Variants in COL5A3 observed in about 807,000 individuals in gnomAD.
COL5A3 encodes collagen alpha-3(V) chain.
A neutral mutation model predicts 250.0 loss-of-function variants in COL5A3; 172 were observed. That is an observed-to-expected ratio of 0.69 (90% CI 0.61 to 0.78). The LOEUF is 0.78. Ranked by LOEUF, COL5A3 falls within the 30% of genes least tolerant of loss-of-function variation. The probability of loss-of-function intolerance (pLI) is 0.00; values close to 1 mark genes in which losing one functional copy is unlikely to be tolerated. For synonymous variants in COL5A3, 937 were observed against 900.4 expected (o/e 1.04, Z -0.73); for missense variants, 2,340 against 2,334.4 (o/e 1.00, Z -0.05).
At chr19:9,998,298 A>C in intron 8 of COL5A3, 149 bp from the exon 9 acceptor site, 1 of 774,810 alleles carries the variant, frequency 1.3e-6, no homozygotes, top group Non-Finnish European at 2.0e-6. Context: ...ACTGTAACCA[A>C]TATGCACTGA....
At position 10,003,610 on chromosome 19, in the gene COL5A3, C is replaced by G; in HGVS notation, c.804G>C (p.Lys268Asn). 1 of 1,614,152 alleles carries G rather than the reference C, an allele frequency of 6.2e-7. No individual in the cohort carries two copies. The highest frequency in any genetic ancestry group is 8.5e-7 in the Non-Finnish European group (1 of 1,180,032). ...GAGGTGGACTTGAGGTCCAAATTTC[C>G]TTGTTCTTTTTCCTGCCCTTCCCCT... ...GRKGKGRKKN[K>N]EIWTSSPPPD... is the part of the protein sequence containing the mutation. The change falls in exon 6 of 67, where the codon AAG (lysine) becomes AAC (asparagine). Residue 268 changes from lysine to asparagine, a missense_variant. By Grantham distance (94) the Lys-to-Asn change is moderately conservative. Transcript: ENST00000264828.
chr19:9,993,332 T>G (rs770947729), intron 19 of COL5A3, 48 bp downstream of exon 19: 1 of 1,596,344 alleles, frequency 6.3e-7, no homozygotes, highest in East Asian at 2.2e-5. Context: ...TCACTCAGGC[T>G]TCCAAACTTA....
chr19:9,973,533 G>C, intron 50 of COL5A3, 37 bp downstream of exon 50: 1 of 1,595,806 alleles, frequency 6.3e-7, no homozygotes, highest in Non-Finnish European at 8.5e-7. Flanking sequence ...GGGGTTCCCT[G>C]AGTTGGGTGC....
Position 9,968,517 on chromosome 19 carries a change from A to T in COL5A3, c.4207-25T>A. ...CCTGAAGGACAAAAGAGGCACAGAC[A>T]GGGGAGGACGTGGGAGGATTCAGGG... On this transcript the variant is annotated intron_variant, in intron 58 of 66. Transcript: ENST00000264828. The surrounding 1 kb of genome is among the most constrained non-coding windows in gnomAD (Gnocchi z 4.1). The T allele has an allele frequency of 6.3e-7, 1 of 1,581,048 alleles. No homozygotes were observed. Among genetic ancestry groups the T allele is most frequent in the Non-Finnish European group, 8.6e-7 (1 of 1,167,130 alleles).
chr19:9,996,213 C>T lies in COL5A3; in HGVS notation c.1472G>A (p.Gly491Asp). ...CGCAGTCGCCTTACTCACCACAGGGCCTGGGCGCCCAGTGAGCCCCACTGG... is the reference window on the plus strand; with the variant it reads ...CGCAGTCGCCTTACTCACCACAGGGTCTGGGCGCCCAGTGAGCCCCACTGG... Reference protein sequence around the residue: ...PGPVGLTGRPGPVGLPGHPGL... With the variant: ...PGPVGLTGRPDPVGLPGHPGL... The change falls in exon 14 of 67, where the codon GGC (glycine) becomes GAC (aspartate). Residue 491 changes from glycine (G) to aspartate (D), a missense_variant. This residue lies in a region of COL5A3 where 1,152 missense variants were observed against 1,146.3 expected (regional missense o/e 1.00). Coordinates refer to ENST00000264828, the MANE Select transcript of COL5A3 (RefSeq NM_015719.4). The T allele has an allele frequency of 6.4e-7, 1 of 1,574,628 alleles. No homozygotes were observed. The highest frequency in any genetic ancestry group is 8.6e-7 in the Non-Finnish European group (1 of 1,162,664).
chr19:9,992,826 C>T lies in COL5A3; in HGVS notation c.1848+1G>A, dbSNP rs149888433. On this transcript the variant is annotated splice_donor_variant, in intron 21 of 66. Transcript: ENST00000264828. LOFTEE classifies it high-confidence loss of function. The stretch of plus-strand genomic sequence containing the variant: ...GGATGCAGAGAGCCAGTGACACTCA[C>T]CGGGCGACCCGTGGGGCCAGGAGAG... 2 of 1,613,772 alleles carry T rather than the reference C, an allele frequency of 1.2e-6. No homozygotes were observed. The highest frequency in any genetic ancestry group is 1.7e-6 in the Non-Finnish European group (2 of 1,179,874).
At chr19:10,001,917 T>C in intron 6 of COL5A3, 36 bp from the exon 7 acceptor site, 2 of 1,496,338 alleles carry the variant, frequency 1.3e-6, no homozygotes, top group Non-Finnish European at 1.9e-6. Flanking sequence ...GGGTCTCGGG[T>C]GAGGGCAATC....
Position 9,977,592 on chromosome 19 carries a change from AC to A in COL5A3, c.3126+1del. ...TAGGAATGGGATGGGCAAGTCACTTACCCGGGACCCCTTCTTGCCTGCAGGG... is the reference window on the plus strand; with the variant it reads ...TAGGAATGGGATGGGCAAGTCACTTACCGGGACCCCTTCTTGCCTGCAGGG... On this transcript the variant is annotated splice_donor_variant, in intron 42 of 66. Coordinates refer to ENST00000264828, the MANE Select transcript of COL5A3 (RefSeq NM_015719.4). LOFTEE classifies it high-confidence loss of function. 1 of 1,576,276 alleles carries A rather than the reference AC, an allele frequency of 6.3e-7. No individual in the cohort carries two copies. Among genetic ancestry groups the A allele is most frequent in the South Asian group, 1.2e-5 (1 of 84,960 alleles).
chr19:9,990,632 G>A (rs1450775936), intron 24 of COL5A3, among the ~76,000 whole-genome samples: 2 of 151,298 alleles, frequency 1.3e-5, no homozygotes, highest in Non-Finnish European at 2.9e-5. Context: ...GCAAGATCTC[G>A]GCTCACTGCA....
intron 8 of COL5A3, among the ~76,000 whole-genome samples, chr19:9,999,249 G>C (rs2087319441): frequency 6.7e-6 from 1 of 149,200 alleles, no homozygotes; most frequent in Admixed American, 6.7e-5. Flanking sequence ...AGAATGCAGG[G>C]GTACAATCAT....
Position 9,972,950 on chromosome 19 carries a change from G to T in COL5A3, c.3743C>A (p.Pro1248His), listed in dbSNP as rs1319053963. Residue 1248 changes from proline (P) to histidine (H), a missense_variant, in exon 51 of 67, where the codon CCC (proline) becomes CAC (histidine). Coordinates refer to ENST00000264828, the MANE Select transcript of COL5A3 (RefSeq NM_015719.4). ...CCCTTTGGCTCCATCCTCTCCAGGGGGACCTTTCTTGCCTGGGGGTCCAGC... is the reference window on the plus strand; with the variant it reads ...CCCTTTGGCTCCATCCTCTCCAGGGTGACCTTTCTTGCCTGGGGGTCCAGC... ...GAAGPPGKKG[P>H]PGEDGAKGSV... is the part of the protein sequence containing the mutation. The T allele has an allele frequency of 6.2e-7, 1 of 1,611,256 alleles. No homozygotes were observed. The highest frequency in any genetic ancestry group is 8.5e-7 in the Non-Finnish European group (1 of 1,178,998).
rs758750440 is a variant in COL5A3 at position 9,980,789 on chromosome 19, G to C, written c.2559+17C>G. 3 of 1,613,080 alleles carry C rather than the reference G, an allele frequency of 1.9e-6. No homozygotes were observed. In the South Asian group the frequency reaches 3.3e-5, roughly 18 times the overall value. On this transcript the variant is annotated intron_variant, in intron 34 of 66. Transcript: ENST00000264828. ...GCCTGGGGCATGGGGGGCCTTGATT[G>C]CCCACCCATCCCATACCTTGGGGCC...
chr19:9,998,700 T>A (rs575880860), intron 8 of COL5A3, among the ~76,000 whole-genome samples: 2 of 152,106 alleles, frequency 1.3e-5, no homozygotes, highest in African/African-American at 4.8e-5. Context: ...CTTTTTTTTT[T>A]TTTAAATGGA....
In COL5A3 at chr19:10,001,507, G is replaced by A. The variant is rs1363202298; in HGVS notation, c.1110+17C>T. 6 of 1,612,318 alleles carry A rather than the reference G, an allele frequency of 3.7e-6. No homozygotes were observed. The African/African-American group carries it at 8.0e-5, about 22-fold the overall frequency. ...TCCCACTCTCTTGCACCTAACCCCA[G>A]CCACCTAGAAACTCACAGGAAAGAT... On this transcript the variant is annotated intron_variant, in intron 8 of 66. Transcript: ENST00000264828.
rs534254703 is a variant in COL5A3, at chr19:10,006,105, G to C, written c.215C>G (p.Thr72Arg). 2 of 1,614,050 alleles carry C rather than the reference G, an allele frequency of 1.2e-6. No homozygotes were observed. The highest frequency in any genetic ancestry group is 1.1e-5 in the South Asian group (1 of 91,068). The change falls in exon 2 of 67, where the codon ACG becomes AGG. Residue 72 changes from threonine (T) to arginine (R), a missense_variant. Coordinates refer to ENST00000264828, the MANE Select transcript of COL5A3 (RefSeq NM_015719.4). The part of the protein sequence containing the change: ...DRAFRIGQAS[T>R]LGIPTWELFP... ...GAGTTCCCACGTGGGGATGCCGAGC[G>C]TGCTGGCCTGGCCAATTCTGAATGC...
Position 9,971,021 on chromosome 19 carries a change from T to C in COL5A3, c.3836A>G (p.Asp1279Gly), listed in dbSNP as rs1164523180. 3 of 1,538,776 alleles carry C rather than the reference T, an allele frequency of 1.9e-6. No homozygotes were observed. Among genetic ancestry groups the C allele is most frequent in the Non-Finnish European group, 8.7e-7 (1 of 1,149,128 alleles). The change falls in exon 53 of 67, where the codon GAT becomes GGT. Residue 1279 changes from aspartate to glycine, a missense_variant. Physicochemically the swap from Asp to Gly is moderately conservative, Grantham distance 94. This residue lies in a region of COL5A3 where 1,179 missense variants were observed against 1,162.6 expected (regional missense o/e 1.01). Coordinates refer to ENST00000264828, the MANE Select transcript of COL5A3 (RefSeq NM_015719.4). Reference sequence around the variant, plus strand: ...GTCTCCCTTCTCCCCTGGGGAACCATCTATGCCCTGCATGGGGGGAAGACA... The same window carrying C: ...GTCTCCCTTCTCCCCTGGGGAACCACCTATGCCCTGCATGGGGGGAAGACA... ...PPGDPGVSGI[D>G]GSPGEKGDPG...
In COL5A3 at chr19:9,968,045, G is replaced by A; in HGVS notation, c.4349C>T (p.Pro1450Leu). ...ACTCACCGCCACACCTGGGGGCCCA[G>A]GGTGGCCCAGAGAGCCAATGGGACC... ...PPGPIGSLGH[P>L]GPPGVAGPLG... Residue 1450 changes from proline to leucine, a missense_variant, in exon 60 of 67, where the codon CCT becomes CTT. By Grantham distance (98) the Pro-to-Leu change is moderately conservative. Coordinates refer to ENST00000264828, the MANE Select transcript of COL5A3 (RefSeq NM_015719.4). This position sits in a 1 kb window ranked among gnomAD's most constrained non-coding sequence, Gnocchi z 4.1. 2 of 1,590,682 alleles carry A rather than the reference G, an allele frequency of 1.3e-6. No homozygotes were observed. The highest frequency in any genetic ancestry group is 1.7e-6 in the Non-Finnish European group (2 of 1,173,788).
Position 9,989,503 on chromosome 19 carries a change from C to T in COL5A3, c.2012G>A (p.Gly671Glu). 1.9e-6 allele frequency: 3 copies of T among 1,612,884 alleles called. No individual in the cohort carries two copies. Among genetic ancestry groups the T allele is most frequent in the South Asian group, 1.1e-5 (1 of 90,890 alleles). Reference sequence around the variant, plus strand: ...ATCGGATCCTGGGAGGCCTGGAATTCCTGGGTTTCCAGGGGGACCCTGAAA... The same window carrying T: ...ATCGGATCCTGGGAGGCCTGGAATTTCTGGGTTTCCAGGGGGACCCTGAAA... ...PGEKGPPGNP[G>E]IPGLPGSDGP... is the part of the protein sequence containing the mutation. Residue 671 changes from glycine (G) to glutamate (E), a missense_variant, in exon 25 of 67, where the codon GGA (glycine) becomes GAA (glutamate). Physicochemically the swap from Gly to Glu is moderately conservative, Grantham distance 98. Around this residue, in one of 3 missense-constraint regions of COL5A3, gnomAD observed 1,152 missense variants for 1,146.3 expected, o/e 1.00. Coordinates refer to ENST00000264828, the MANE Select transcript of COL5A3 (RefSeq NM_015719.4).
chr19:9,975,311 C>T (rs1309103312), intron 45 of COL5A3, among the ~76,000 whole-genome samples: 1 of 151,966 alleles, frequency 6.6e-6, no homozygotes, highest in Non-Finnish European at 1.5e-5. Context: ...AACTCCTGAC[C>T]TCAGGTGATC....
Sources: gnomAD v4.1 joint callset for allele counts (sites outside exome capture counted in the v4.1 genomes callset) on GRCh38, gnomAD v4.1.1 for gene constraint, gnomAD v4.1.1 regional missense constraint, Gnocchi (gnomAD v3.1) non-coding constraint, MANE v1.5 for transcripts, NCBI Gene and HGNC (gene_info 2026-07-23, HGNC 2026-07-21) for gene names.